UVSSA: variants seen among roughly 807,000 people sequenced by gnomAD.
UVSSA encodes the protein UV stimulated scaffold protein A.
Under a neutral mutation model 73.9 loss-of-function variants are expected in UVSSA, and 72 were observed. The observed-to-expected ratio is 0.97, with a 90% confidence interval of 0.81 to 1.19. The LOEUF (loss-of-function observed/expected upper bound fraction) is 1.19. Ranked by LOEUF, UVSSA falls within the 50% of genes most tolerant of loss-of-function variation. UVSSA has a pLI of 0.00. For missense variants in UVSSA, 1,150 were observed against 965.0 expected, an observed-to-expected ratio of 1.19 and a Z score of -2.54; for synonymous variants, 454 against 391.3, an observed-to-expected ratio of 1.16 and a Z score of -1.89.
intron 7 of UVSSA, among the ~76,000 whole-genome samples, chr4:1,356,379 C>T (rs1421445433): frequency 6.6e-6 from 1 of 152,154 alleles, no homozygotes; most frequent in Non-Finnish European, 1.5e-5. Flanking sequence ...GCAGCCCCCC[C>T]AGGGGCCAGC....
At chr4:1,355,384 C>G in intron 7 of UVSSA, 139 bp downstream of exon 7, 1 of 829,374 alleles carries the variant, frequency 1.2e-6, no homozygotes, top group Non-Finnish European at 1.9e-6. Context: ...TCAGCAGGAC[C>G]TGCCTCCCCA....
chr4:1,343,752 A>C (rs185646629), upstream of UVSSA, among the ~76,000 whole-genome samples: 14 of 152,142 alleles, frequency 9.2e-5, no homozygotes, highest in African/African-American at 3.1e-4. Flanking sequence ...GCACCATTGC[A>C]CTCCAGCCTG....
At chr4:1,347,025 A>AG (rs1214221582), upstream of UVSSA, among the ~76,000 whole-genome samples, 2 of 152,052 alleles carry the variant, frequency 1.3e-5, no homozygotes, top group Admixed American at 6.5e-5. Context: ...GGCACGTGCT[A>AG]GGGGGCGGGG....
intron 3 of UVSSA, among the ~76,000 whole-genome samples, chr4:1,351,478 C>T (rs1438783125): frequency 4.0e-5 from 6 of 151,884 alleles, no homozygotes; most frequent in African/African-American, 7.3e-5. Context: ...CTCCGCCTCC[C>T]GGGTTCACAC....
intron 8 of UVSSA, among the ~76,000 whole-genome samples, chr4:1,372,106 A>G (rs535172255): frequency 1.2e-3 from 184 of 152,294 alleles, no homozygotes; most frequent in Non-Finnish European, 2.4e-3. Context: ...CAGCTTTTCT[A>G]GTACCCACAT....
chr4:1,380,497 C>T, intron 11 of UVSSA: 2 of 848,588 alleles, frequency 2.4e-6, no homozygotes, highest in Non-Finnish European at 3.5e-6. Context: ...CACACAGTAT[C>T]CTCCATGGTT....
chr4:1,383,677 A>G (rs899599259), intron 12 of UVSSA, 89 bp from the exon 13 acceptor site: 4 of 1,542,510 alleles, frequency 2.6e-6, no homozygotes, highest in Middle Eastern at 1.7e-4. Flanking sequence ...CCCTGTCAGG[A>G]CGAGACCAAG....
chr4:1,395,757 G>A, exon 14 of UVSSA: 1 of 1,614,202 alleles, frequency 6.2e-7, no homozygotes. Flanking sequence ...GGCCGAGTCA[G>A]ACGCTGTTAC....
At chr4:1,394,853 G>A (rs1720492210) in exon 14 of UVSSA, 1 of 1,594,936 alleles carries the variant, frequency 6.3e-7, no homozygotes, top group Non-Finnish European at 8.5e-7. Context: ...CATGTGGAGT[G>A]CCCGCCTGCT....
rs146853550 is a variant in UVSSA, at chr4:1,353,175, G to C, written c.696G>C (p.Ala232=). The change falls in exon 5 of 14, where the codon GCG becomes GCC. Residue 232 remains alanine (A), a synonymous_variant. Coordinates refer to ENST00000389851, the MANE Select transcript of UVSSA (RefSeq NM_020894.4). ...CCGATGCCCTTCGCTCCTCCTGCGC[G>C]GGCCAGGTGGGCCCCTGCCGGTCTG... ...GMSDALRSSC[A]GQVGPCRSGT... is the part of the protein sequence containing the mutation. 26 of 1,612,724 alleles carry C rather than the reference G, an allele frequency of 1.6e-5. No homozygotes were observed. In the East Asian group the frequency reaches 4.9e-4, roughly 30 times the overall value.
At chr4:1,375,101 G>A (rs1054961529) in intron 8 of UVSSA, 12 of 530,078 alleles carry the variant, frequency 2.3e-5, no homozygotes, top group Admixed American at 3.4e-5. Flanking sequence ...TGCAAAGCCC[G>A]GCAGCACAGT....
chr4:1,354,679 G>A (rs1715381573), intron 5 of UVSSA, 56 bp from the exon 6 acceptor site: 5 of 1,516,756 alleles, frequency 3.3e-6, no homozygotes, highest in Non-Finnish European at 4.5e-6. Context: ...CCTCTCCGGG[G>A]CCTGTGGGAG....
intron 4 of UVSSA, among the ~76,000 whole-genome samples, 191 bp downstream of exon 4, chr4:1,352,026 G>A (rs567717772): frequency 8.5e-5 from 13 of 152,356 alleles, no homozygotes; most frequent in African/African-American, 2.9e-4. Flanking sequence ...TGCCTCTCCC[G>A]CGCCCTCTGG....
intron 7 of UVSSA, among the ~76,000 whole-genome samples, chr4:1,357,220 C>A (rs1715911451): frequency 6.8e-6 from 1 of 146,870 alleles, no homozygotes; most frequent in Non-Finnish European, 1.5e-5. Flanking sequence ...CAGGCCTGGG[C>A]CCCTCCAGCT....
intron 12 of UVSSA, among the ~76,000 whole-genome samples, chr4:1,382,796 T>TGCCCCCGTGGCCTGGTC (rs1056158320): frequency 6.6e-6 from 1 of 152,212 alleles, no homozygotes; most frequent in Non-Finnish European, 1.5e-5. Flanking sequence ...TCCGGGGATG[T>TGCCCCCGTGGCCTGGTC]GCCCCCGTGG....
chr4:1,395,534 C>A, exon 14 of UVSSA: 1 of 1,602,302 alleles, frequency 6.2e-7, no homozygotes, highest in East Asian at 2.3e-5. Flanking sequence ...GTGGAGTGCC[C>A]GCCTGCTCAC....
At chr4:1,356,284 G>C (rs766261802) in intron 7 of UVSSA, among the ~76,000 whole-genome samples, 2 of 152,132 alleles carry the variant, frequency 1.3e-5, no homozygotes, top group Non-Finnish European at 2.9e-5. Flanking sequence ...TTGGAAGTTG[G>C]GGGGTGGGGA....
chr4:1,355,137 C>G lies in UVSSA; in HGVS notation c.1068C>G (p.Thr356=). Residue 356 remains threonine (T), a synonymous_variant, in exon 7 of 14, where the codon ACC becomes ACG. Transcript: ENST00000389851. ...CGCAGCGCTTCACCCGCGTCGGGACCCACGGTGGATGTTTAAAGCGTGCCA... is the reference window on the plus strand; with the variant it reads ...CGCAGCGCTTCACCCGCGTCGGGACGCACGGTGGATGTTTAAAGCGTGCCA... ...SWIQRFTRVG[T]HGGCLKRAID... The G allele has an allele frequency of 6.2e-7, 1 of 1,613,782 alleles. No homozygotes were observed. Among genetic ancestry groups the G allele is most frequent in the South Asian group, 1.1e-5 (1 of 91,080 alleles).
At chr4:1,376,987 A>G (rs765936666) in intron 10 of UVSSA, among the ~76,000 whole-genome samples, 21 of 152,136 alleles carry the variant, frequency 1.4e-4, no homozygotes, top group Non-Finnish European at 2.5e-4. Flanking sequence ...GTGACACGGA[A>G]TATTGCCGTC....
Sources: allele counts gnomAD v4.1 joint callset (sites outside exome capture counted in the v4.1 genomes callset), GRCh38; gene constraint gnomAD v4.1.1; transcripts MANE v1.5; gene names NCBI Gene and HGNC (gene_info 2026-07-23, HGNC 2026-07-21).